Variants in TSBP1 observed in about 807,000 individuals in gnomAD.
TSBP1 encodes the protein testis-expressed basic protein 1.
In TSBP1, 56 loss-of-function variants were observed where a neutral mutation model predicts 68.8. The ratio of observed to expected loss-of-function variants is 0.81; its 90% CI spans 0.66 to 1.02. TSBP1 has a LOEUF of 1.02. Ranked by LOEUF, TSBP1 falls within the 50% of genes least tolerant of loss-of-function variation. TSBP1 has a pLI of 0.00. For synonymous variants in TSBP1, 171 were observed against 208.7 expected, an observed-to-expected ratio of 0.82 and a Z score of 1.56; for missense variants, 502 against 641.2, an observed-to-expected ratio of 0.78 and a Z score of 2.34.
chr6:32,345,567 G>A (rs1337714878), intron 9 of TSBP1, among the ~76,000 whole-genome samples: 1 of 151,174 alleles, frequency 6.6e-6, no homozygotes, highest in Non-Finnish European at 1.5e-5. Flanking sequence ...TTAAAAATAG[G>A]ATTTATAATA....
At chr6:32,293,300 A>T in exon 23 of TSBP1, 2 of 1,611,768 alleles carry the variant, frequency 1.2e-6, no homozygotes, top group Non-Finnish European at 1.7e-6. Flanking sequence ...AGTGTTCTTT[A>T]CTTGGGATTC....
In TSBP1 at chr6:32,302,103, T is replaced by C. The variant is rs1236557348; in HGVS notation, c.601+506A>G. Among the ~76,000 whole-genome samples the C allele has an allele frequency of 6.6e-6, 1 of 152,040 alleles. No homozygotes were observed. Among genetic ancestry groups the C allele is most frequent in the Non-Finnish European group, 1.5e-5 (1 of 67,996 alleles). ...TTTTATATATTGTCTATGACTGTTTTTGTGCTACAACAGCAGGGTTGAGTA... is the reference window on the plus strand; with the variant it reads ...TTTTATATATTGTCTATGACTGTTTCTGTGCTACAACAGCAGGGTTGAGTA... On this transcript the variant is annotated intron_variant, in intron 20 of 22. Transcript: ENST00000612031. The surrounding 1 kb of genome is among the most constrained non-coding windows in gnomAD (Gnocchi z 5.1).
chr6:32,349,161 G>A (rs903718124), intron 9 of TSBP1, among the ~76,000 whole-genome samples: 2 of 151,008 alleles, frequency 1.3e-5, no homozygotes, highest in African/African-American at 4.9e-5. Flanking sequence ...AAAAATTCAT[G>A]TGGTTGTCTG....
At chr6:32,359,076 A>G (rs1447838848) in intron 6 of TSBP1, among the ~76,000 whole-genome samples, 1 of 75,666 alleles carries the variant, frequency 1.3e-5, no homozygotes, top group Non-Finnish European at 2.6e-5. Flanking sequence ...CCCTCCCCCC[A>G]CCCCACAGCA....
intron 17 of TSBP1, 123 bp from the exon 19 acceptor site, chr6:32,323,260 A>AT: frequency 2.9e-6 from 2 of 691,700 alleles, no homozygotes; most frequent in Non-Finnish European, 5.2e-6. Context: ...TGATTCTATG[A>AT]CTATGTATTC....
intron 20 of TSBP1, 52 bp from the exon 24 acceptor site, chr6:32,300,752 C>T: frequency 1.3e-6 from 2 of 1,502,686 alleles, no homozygotes; most frequent in Non-Finnish European, 9.3e-7. Context: ...TTCCCTTCTT[C>T]CCAGTCCCCA....
chr6:32,303,418 G>A (rs1265746744), intron 19 of TSBP1, among the ~76,000 whole-genome samples: 1 of 149,484 alleles, frequency 6.7e-6, no homozygotes, highest in Non-Finnish European at 1.5e-5. Flanking sequence ...ATGATATAAT[G>A]TCCCTCTTTT....
intron 7 of TSBP1, 127 bp downstream of exon 7, chr6:32,355,522 A>G (rs1562174065): frequency 8.3e-7 from 1 of 1,208,054 alleles, no homozygotes; most frequent in East Asian, 2.4e-5. Context: ...AGAAAACTTT[A>G]TCTATTGCTT....
chr6:32,330,772 G>A (rs545113588), intron 15 of TSBP1, among the ~76,000 whole-genome samples, 163 bp from the exon 17 acceptor site: 64 of 152,170 alleles, frequency 4.2e-4, no homozygotes, highest in Non-Finnish European at 7.1e-4. Flanking sequence ...CTGGGTTCAA[G>A]GGATTCTCGT....
chr6:32,343,335 A>G lies in TSBP1; in HGVS notation c.350-3697T>C. On this transcript the variant is annotated intron_variant, in intron 9 of 22. Coordinates refer to ENST00000612031, the Ensembl canonical transcript of TSBP1. The surrounding 1 kb of genome is among the most constrained non-coding windows in gnomAD (Gnocchi z 4.3). ...CAATTTCCCAAAAGTCTTCCCAGAA[A>G]TAGTGTCCTCCCTCAGGTTATTAGA... The G allele has an allele frequency of 1.1e-6, 1 of 884,292 alleles. No individual in the cohort carries two copies. 54.8% of individuals were successfully genotyped at this position (884,292 alleles called of 1,614,324 possible).
intron 4 of TSBP1, among the ~76,000 whole-genome samples, chr6:32,367,267 G>A (rs6936103): frequency 7.5e-6 from 1 of 133,714 alleles, no homozygotes; most frequent in Non-Finnish European, 1.7e-5. Context: ...GAGAGAGAAA[G>A]AGAGAGAGAG....
At chr6:32,299,112 G>A (rs565849283) in intron 22 of TSBP1, among the ~76,000 whole-genome samples, 2 of 152,336 alleles carry the variant, frequency 1.3e-5, no homozygotes, top group East Asian at 3.9e-4. Context: ...GGGAAGAGTG[G>A]GAAGAGTGTG....
At chr6:32,350,027 G>C (rs1400510033) in intron 8 of TSBP1, 1 of 687,750 alleles carries the variant, frequency 1.5e-6, no homozygotes, top group Non-Finnish European at 2.7e-6. Context: ...TTTGGAGATT[G>C]CTAGTTTCTC....
chr6:32,310,228 T>C (rs1260564979), intron 19 of TSBP1, among the ~76,000 whole-genome samples: 1 of 149,426 alleles, frequency 6.7e-6, no homozygotes, highest in Non-Finnish European at 1.5e-5. Flanking sequence ...GTCAGCTTAC[T>C]ACGATGAGTT....
rs1768120644 is a variant in TSBP1 at position 32,325,441 on chromosome 6, G to A, written c.515-1827C>T. On this transcript the variant is annotated intron_variant, in intron 16 of 22. Coordinates refer to ENST00000612031, the Ensembl canonical transcript of TSBP1. The surrounding 1 kb of genome is among the most constrained non-coding windows in gnomAD (Gnocchi z 4.4). ...GAGGTGGATGCAGCCGTGAATGCAA[G>A]GCCACACAAGGTGGATGGAAGAGCT... 2.2e-6 allele frequency: 2 copies of A among 914,122 alleles called. No homozygotes were observed. The allele number at this position is 914,122 out of a possible 1,614,324, so 56.6% of individuals were successfully genotyped here. A position where few individuals can be genotyped will look rare whatever the true frequency, so the allele number is the denominator to read the frequency against.
chr6:32,353,538 A>G (rs1404550107), intron 8 of TSBP1, among the ~76,000 whole-genome samples: 3 of 152,044 alleles, frequency 2.0e-5, no homozygotes, highest in African/African-American at 7.2e-5. Context: ...AAATCCTAAT[A>G]TGACTCATAG....
Position 32,325,300 on chromosome 6 carries a change from G to A in TSBP1, c.515-1686C>T, listed in dbSNP as rs753527273. The A allele has an allele frequency of 2.1e-5, 30 of 1,405,984 alleles. No individual in the cohort carries two copies. Among genetic ancestry groups the A allele is most frequent in the Middle Eastern group, 2.5e-4 (1 of 4,030 alleles). 87.1% of individuals were successfully genotyped at this position (1,405,984 alleles called of 1,614,324 possible). A position where few individuals can be genotyped will look rare whatever the true frequency, so the allele number is the denominator to read the frequency against. ...AGGGTTGAGCTTTGAAACAACTGAT[G>A]AGAGCCTGAGGAGCCATTTTGAGCA... On this transcript the variant is annotated intron_variant, in intron 16 of 22. Coordinates refer to ENST00000612031, the Ensembl canonical transcript of TSBP1. The surrounding 1 kb of genome is among the most constrained non-coding windows in gnomAD (Gnocchi z 4.4).
rs143128148 is a variant in TSBP1 at position 32,304,096 on chromosome 6, T to C, written c.581-1467A>G. On this transcript the variant is annotated intron_variant, in intron 19 of 22. Transcript: ENST00000612031. This position sits in a 1 kb window ranked among gnomAD's most constrained non-coding sequence, Gnocchi z 4.8. The stretch of plus-strand genomic sequence containing the variant: ...ATTGATTTTGGTCCTTTCTATGTGG[T>C]TTCTTGTTTCTGTGGGCCTTTGACT... Among the ~76,000 whole-genome samples the C allele has an allele frequency of 6.7e-3, 1,016 of 152,248 alleles. 18 individuals are homozygous for C. The highest frequency in any genetic ancestry group is 0.02 in the East Asian group (103 of 5,182).
At position 32,341,936 on chromosome 6, in the gene TSBP1, T is replaced by G. The variant is rs1026236919; in HGVS notation, c.350-2298A>C. The stretch of plus-strand genomic sequence containing the variant: ...AACTTTTGTAGGAAAAGCACATAGA[T>G]CAGAAAAAAAACCCTGTCCAGTCAG... On this transcript the variant is annotated intron_variant, in intron 9 of 22. Coordinates refer to ENST00000612031, the Ensembl canonical transcript of TSBP1. Among the ~76,000 whole-genome samples the G allele has an allele frequency of 2.6e-5, 4 of 152,040 alleles. No individual in the cohort carries two copies. In the South Asian group the frequency reaches 6.2e-4, roughly 24 times the overall value.
Sources: gnomAD v4.1 joint callset for allele counts (sites outside exome capture counted in the v4.1 genomes callset) on GRCh38, gnomAD v4.1.1 for gene constraint, Gnocchi (gnomAD v3.1) non-coding constraint, MANE v1.5 for transcripts, NCBI Gene and HGNC (gene_info 2026-07-23, HGNC 2026-07-21) for gene names.